The following CFAP61 variants were observed in gnomAD, a reference collection of about 807,000 sequenced individuals.
CFAP61 encodes cilia- and flagella-associated protein 61.
CFAP61 carries 107 observed loss-of-function variants against 135.6 expected under a neutral mutation model. The ratio of observed to expected loss-of-function variants is 0.79; its 90% CI spans 0.67 to 0.93. The LOEUF is 0.93. Among genes scored for constraint, CFAP61 ranks in the 40% least tolerant of loss-of-function variants. The pLI is 0.00. For missense variants in CFAP61, 1,507 were observed against 1,556.2 expected, an observed-to-expected ratio of 0.97 and a Z score of 0.53; for synonymous variants, 575 against 578.5, an observed-to-expected ratio of 0.99 and a Z score of 0.09.
Position 20,277,314 on chromosome 20 carries a change from C to G in CFAP61, c.2652C>G (p.Ser884Arg), listed in dbSNP as rs2424317. 16 of 1,613,924 alleles carry G rather than the reference C, an allele frequency of 9.9e-6. No individual in the cohort carries two copies. The highest frequency in any genetic ancestry group is 2.7e-5 in the African/African-American group (2 of 74,898). Residue 884 changes from serine (S) to arginine (R), a missense_variant, in exon 22 of 27, where the codon AGC becomes AGG. Coordinates refer to ENST00000245957, the MANE Select transcript of CFAP61 (RefSeq NM_015585.4). ...ITCINNYSVE[S>R]AVADALGAAG... Reference sequence around the variant, plus strand: ...GCATCAACAACTACTCGGTGGAGAGCGCCGTGGCGGACGCGCTAGGAGCCG... The same window carrying G: ...GCATCAACAACTACTCGGTGGAGAGGGCCGTGGCGGACGCGCTAGGAGCCG...
At chr20:20,224,105 G>A (rs2048573319) in intron 17 of CFAP61, among the ~76,000 whole-genome samples, 1 of 152,110 alleles carries the variant, frequency 6.6e-6, no homozygotes, top group Non-Finnish European at 1.5e-5. Flanking sequence ...CAAAGACATA[G>A]TTCCTGACCT....
chr20:20,194,233 T>C (rs1223472057), intron 15 of CFAP61, among the ~76,000 whole-genome samples: 1 of 152,182 alleles, frequency 6.6e-6, no homozygotes, highest in East Asian at 1.9e-4. Context: ...TCTCTAAACA[T>C]ATATATGTTA....
Position 20,090,971 on chromosome 20 carries a change from T to G in CFAP61, c.694T>G (p.Cys232Gly), listed in dbSNP as rs745933196. 1.1e-5 allele frequency: 17 copies of G among 1,613,974 alleles called. No individual in the cohort carries two copies. In the South Asian group the frequency reaches 1.8e-4, roughly 17 times the overall value. The change falls in exon 7 of 27, where the codon TGT becomes GGT. Residue 232 changes from cysteine to glycine, a missense_variant. Cys to Gly is a radical substitution (Grantham distance 159). Coordinates refer to ENST00000245957, the MANE Select transcript of CFAP61 (RefSeq NM_015585.4). ...AQDEENHAVVCEVEGTAVGFM... is the reference protein window; with the variant it reads ...AQDEENHAVVGEVEGTAVGFM... ...AGATGAAGAGAATCATGCTGTTGTG[T>G]GTGAGGTCAGTGACTGATTCATGTG...
At chr20:20,195,894 C>T (rs927612987) in intron 15 of CFAP61, among the ~76,000 whole-genome samples, 1 of 152,116 alleles carries the variant, frequency 6.6e-6, no homozygotes. Flanking sequence ...GCCTGGCCAA[C>T]ATGGTGAAAC....
At chr20:20,327,957 C>T (rs771903961) in intron 25 of CFAP61, among the ~76,000 whole-genome samples, 6 of 152,102 alleles carry the variant, frequency 3.9e-5, no homozygotes, top group Non-Finnish European at 5.9e-5. Context: ...CGGGTGAGCA[C>T]CCACAGTCTT....
intron 17 of CFAP61, among the ~76,000 whole-genome samples, chr20:20,215,630 G>A (rs1172558308): frequency 1.3e-5 from 2 of 152,176 alleles, no homozygotes; most frequent in African/African-American, 2.4e-5. Context: ...AATCCATTAA[G>A]GATTTTAAAG....
intron 2 of CFAP61, among the ~76,000 whole-genome samples, chr20:20,068,029 T>A (rs955109926): frequency 1.3e-5 from 2 of 152,116 alleles, no homozygotes; most frequent in East Asian, 3.8e-4. Flanking sequence ...CACAAAAGCA[T>A]ACTGAATCTT....
At chr20:20,287,358 G>A (rs1183978347) in intron 22 of CFAP61, among the ~76,000 whole-genome samples, 2 of 152,222 alleles carry the variant, frequency 1.3e-5, no homozygotes, top group East Asian at 3.8e-4. Context: ...CCTTCTTCAA[G>A]ATGGAAATAG....
At chr20:20,172,135 G>C (rs986295350) in intron 13 of CFAP61, 45 of 846,324 alleles carry the variant, frequency 5.3e-5, no homozygotes, top group Admixed American at 1.1e-4. Context: ...AGAGGAAAAA[G>C]GATACTATGG....
At chr20:20,092,810 A>G (rs938340076) in intron 7 of CFAP61, among the ~76,000 whole-genome samples, 1 of 152,242 alleles carries the variant, frequency 6.6e-6, no homozygotes, top group African/African-American at 2.4e-5. Flanking sequence ...CTCTGCTAGG[A>G]GGGTTATAAT....
At chr20:20,294,874 G>A (rs1325924592) in intron 24 of CFAP61, among the ~76,000 whole-genome samples, 1 of 150,860 alleles carries the variant, frequency 6.6e-6, no homozygotes, top group African/African-American at 2.4e-5. Flanking sequence ...CTTGCAGTGA[G>A]CCGAGATTGC....
chr20:20,089,090 T>C (rs1277910106), intron 6 of CFAP61, among the ~76,000 whole-genome samples: 1 of 151,992 alleles, frequency 6.6e-6, no homozygotes, highest in African/African-American at 2.4e-5. Flanking sequence ...AGCCAAGGAC[T>C]CCCCTCTCAA....
intron 26 of CFAP61, among the ~76,000 whole-genome samples, chr20:20,358,675 C>T (rs2059365156): frequency 6.6e-6 from 1 of 152,206 alleles, no homozygotes; most frequent in Non-Finnish European, 1.5e-5. Flanking sequence ...TGAATTCCTG[C>T]AACCCTCACT....
intron 25 of CFAP61, among the ~76,000 whole-genome samples, chr20:20,300,295 A>T (rs116289064): frequency 0.011 from 1,604 of 152,298 alleles, 45 homozygotes; most frequent in African/African-American, 0.036. Flanking sequence ...TATGAAAAAA[A>T]AGTTAACTCT....
At chr20:20,213,917 C>T (rs2047851468) in intron 17 of CFAP61, among the ~76,000 whole-genome samples, 1 of 151,960 alleles carries the variant, frequency 6.6e-6, no homozygotes. Flanking sequence ...CTCTCTCTCT[C>T]TCCACCCCCT....
At chr20:20,335,319 G>C (rs747302715) in intron 25 of CFAP61, among the ~76,000 whole-genome samples, 1 of 152,202 alleles carries the variant, frequency 6.6e-6, no homozygotes, top group Non-Finnish European at 1.5e-5. Flanking sequence ...AAAAGTAGAT[G>C]CTGTAGAGTC....
At chr20:20,054,912 A>T (rs1291757941) in intron 1 of CFAP61, among the ~76,000 whole-genome samples, 1 of 152,194 alleles carries the variant, frequency 6.6e-6, no homozygotes, top group Non-Finnish European at 1.5e-5. Context: ...AAAAGTAATT[A>T]GCCATTATTT....
intron 25 of CFAP61, among the ~76,000 whole-genome samples, chr20:20,310,495 T>G (rs1193075923): frequency 6.6e-6 from 1 of 152,172 alleles, no homozygotes; most frequent in Non-Finnish European, 1.5e-5. Context: ...AGTACCATGG[T>G]TCGTCTCTCA....
At chr20:20,227,467 C>T (rs2048821313) in intron 17 of CFAP61, among the ~76,000 whole-genome samples, 1 of 152,210 alleles carries the variant, frequency 6.6e-6, no homozygotes, top group Admixed American at 6.5e-5. Context: ...GCACATATCC[C>T]AATGTTCTTC....
Sources: gnomAD v4.1 joint callset for allele counts (sites outside exome capture counted in the v4.1 genomes callset) on GRCh38, gnomAD v4.1.1 for gene constraint, MANE v1.5 for transcripts, NCBI Gene and HGNC (gene_info 2026-07-23, HGNC 2026-07-21) for gene names.